The following SH3PXD2A variants were observed in gnomAD, a reference collection of about 807,000 sequenced individuals.
The protein encoded by SH3PXD2A is SH3 and PX domain-containing protein 2A.
Under a neutral mutation model 115.2 loss-of-function variants are expected in SH3PXD2A, and 32 were observed. The ratio of observed to expected loss-of-function variants is 0.28; its 90% confidence interval spans 0.21 to 0.37. SH3PXD2A has a LOEUF of 0.37. Among genes scored for constraint, SH3PXD2A ranks in the 10% least tolerant of loss-of-function variants. The pLI, the probability that SH3PXD2A is intolerant of heterozygous loss-of-function variation, is 1.00. For synonymous variants in SH3PXD2A, 610 were observed against 629.1 expected, an observed-to-expected ratio of 0.97 and a Z score of 0.45; for missense variants, 1,328 against 1,498.7, an observed-to-expected ratio of 0.89 and a Z score of 1.88.
At chr10:103,677,097 T>C (rs1393149127) in intron 6 of SH3PXD2A, among the ~76,000 whole-genome samples, 1 of 152,042 alleles carries the variant, frequency 6.6e-6, no homozygotes, top group Admixed American at 6.5e-5. Flanking sequence ...AGTGATGGAG[T>C]CAATAGCAAC....
intron 2 of SH3PXD2A, among the ~76,000 whole-genome samples, chr10:103,794,137 AG>A (rs768272901): frequency 2.0e-5 from 3 of 152,072 alleles, no homozygotes; most frequent in Non-Finnish European, 2.9e-5. Flanking sequence ...ACCCATCATG[AG>A]GTGGGCTGTT....
chr10:103,664,630 G>T (rs2037359340), intron 7 of SH3PXD2A, among the ~76,000 whole-genome samples: 1 of 151,792 alleles, frequency 6.6e-6, no homozygotes, highest in Non-Finnish European at 1.5e-5. Flanking sequence ...GGACACAGCG[G>T]CTGCTTAATA....
Position 103,735,798 on chromosome 10 carries a change from G to T in SH3PXD2A, c.240C>A (p.Leu80=), listed in dbSNP as rs981487458. ...RIIPFLPGKI[L]FRRSHIRDVA... is the part of the protein sequence containing the mutation. Reference sequence around the variant, plus strand: ...CGTCCCGGATGTGGCTTCTGCGGAAGAGGATCTTGCCTGGAAGAGAGATGC... The same window carrying T: ...CGTCCCGGATGTGGCTTCTGCGGAATAGGATCTTGCCTGGAAGAGAGATGC... Residue 80 remains leucine (L), a synonymous_variant, in exon 4 of 15, where the codon CTC becomes CTA. Coordinates refer to ENST00000369774, the MANE Select transcript of SH3PXD2A (RefSeq NM_001394015.1). 6.2e-7 allele frequency: 1 copy of T among 1,613,900 alleles called. No homozygotes were observed. Among genetic ancestry groups the T allele is most frequent in the Non-Finnish European group, 8.5e-7 (1 of 1,179,842 alleles).
chr10:103,601,966 C>T lies in SH3PXD2A; in HGVS notation c.3252G>A (p.Glu1084=). Residue 1084 remains glutamate, a synonymous_variant, in exon 15 of 15, where the codon GAG becomes GAA. Transcript: ENST00000369774. ...KDVYVSIADY[E]GDEETAGFQE... is the part of the protein sequence containing the mutation. ...GGAAGCCTGCTGTCTCCTCATCCCC[C>T]TCGTAGTCTGCGATAGAGACGTACA... 6.2e-7 allele frequency: 1 copy of T among 1,614,110 alleles called. No homozygotes were observed. The highest frequency in any genetic ancestry group is 1.1e-5 in the South Asian group (1 of 91,068).
intron 5 of SH3PXD2A, among the ~76,000 whole-genome samples, chr10:103,713,059 G>A (rs1288279071): frequency 6.6e-6 from 1 of 152,176 alleles, no homozygotes; most frequent in Non-Finnish European, 1.5e-5. Context: ...TCAGCCAGAC[G>A]CTGGGAGCTG....
At chr10:103,612,296 G>C (rs946645970) in intron 12 of SH3PXD2A, among the ~76,000 whole-genome samples, 1 of 152,038 alleles carries the variant, frequency 6.6e-6, no homozygotes, top group East Asian at 1.9e-4. Context: ...TGTGTAGAGT[G>C]GTAAAGCCTT....
chr10:103,685,337 C>CAAAAAA (rs775424414), intron 6 of SH3PXD2A, among the ~76,000 whole-genome samples: 1 of 56,386 alleles, frequency 1.8e-5, no homozygotes, highest in Non-Finnish European at 3.3e-5. Context: ...AACTCTGTCT[C>CAAAAAA]AAAAAAAAAA....
Position 103,603,718 on chromosome 10 carries a change from T to C in SH3PXD2A, c.1500A>G (p.Ser500=). 1 of 1,611,078 alleles carries C rather than the reference T, an allele frequency of 6.2e-7. No individual in the cohort carries two copies. The highest frequency in any genetic ancestry group is 8.5e-7 in the Non-Finnish European group (1 of 1,179,836). Residue 500 remains serine (S), a synonymous_variant, in exon 15 of 15, where the codon TCA becomes TCG. Coordinates refer to ENST00000369774, the MANE Select transcript of SH3PXD2A (RefSeq NM_001394015.1). ...TGGGCTTCTTGCGCTTATCGATGTA[T>C]GATGCGGGGGCCCAGCCCTCCTTCT... ...IGEKEGWAPA[S]YIDKRKKPNL...
intron 11 of SH3PXD2A, among the ~76,000 whole-genome samples, chr10:103,616,141 G>T (rs1260952875): frequency 1.3e-5 from 2 of 152,170 alleles, no homozygotes; most frequent in African/African-American, 4.8e-5. Context: ...GCATGGACTA[G>T]CCTTTAATGC....
At chr10:103,797,010 A>G (rs1207163724) in intron 2 of SH3PXD2A, among the ~76,000 whole-genome samples, 1 of 151,782 alleles carries the variant, frequency 6.6e-6, no homozygotes, top group East Asian at 1.9e-4. Flanking sequence ...CTACAGGCAC[A>G]TGCCACCACA....
intron 2 of SH3PXD2A, among the ~76,000 whole-genome samples, chr10:103,791,108 C>T (rs1434204565): frequency 1.3e-5 from 2 of 152,204 alleles, no homozygotes. Context: ...ATGAACAGTG[C>T]CAAGGACTGA....
intron 9 of SH3PXD2A, among the ~76,000 whole-genome samples, chr10:103,623,579 G>T (rs184177114): frequency 3.3e-5 from 5 of 152,292 alleles, no homozygotes; most frequent in African/African-American, 1.2e-4. Context: ...CCCTGGGAAA[G>T]CATTTGCTTT....
rs529750380 is a variant in SH3PXD2A, at chr10:103,692,004, G to A, written c.427+1024C>T. Among the ~76,000 whole-genome samples the A allele has an allele frequency of 2.6e-5, 4 of 152,236 alleles. No homozygotes were observed. The East Asian group carries it at 7.7e-4, about 29-fold the overall frequency. On this transcript the variant is annotated intron_variant, in intron 6 of 14. Coordinates refer to ENST00000369774, the MANE Select transcript of SH3PXD2A (RefSeq NM_001394015.1). ...GGGCACTCCCCTCAACCTATCCACAGGCCAAGGCACTTGGGCACAGGAGCC... is the reference window on the plus strand; with the variant it reads ...GGGCACTCCCCTCAACCTATCCACAAGCCAAGGCACTTGGGCACAGGAGCC...
At chr10:103,672,043 T>C (rs1285754583) in intron 6 of SH3PXD2A, among the ~76,000 whole-genome samples, 5 of 152,138 alleles carry the variant, frequency 3.3e-5, no homozygotes, top group African/African-American at 9.7e-5. Context: ...CCCAGCACTT[T>C]GGAGGCCGAG....
At position 103,743,540 on chromosome 10, in the gene SH3PXD2A, G is replaced by A. The variant is rs9943461; in HGVS notation, c.230-7732C>T. Among the ~76,000 whole-genome samples, 1,486 of 152,184 alleles carry A rather than the reference G, an allele frequency of 9.8e-3. 25 individuals are homozygous for A. Among genetic ancestry groups the A allele is most frequent in the African/African-American group, 0.034 (1,415 of 41,524 alleles). ...GAAGTAACAGGTGCACACAACACCC[G>A]ACTACATTTTTATAGTGATGGGGTC... is the stretch of plus-strand genomic sequence containing the variant. On this transcript the variant is annotated intron_variant, in intron 3 of 14. Transcript: ENST00000369774.
chr10:103,636,805 C>T (rs1198882537), intron 8 of SH3PXD2A, among the ~76,000 whole-genome samples: 4 of 152,178 alleles, frequency 2.6e-5, no homozygotes, highest in African/African-American at 9.7e-5. Context: ...CTCGTCCTCC[C>T]GCTCTGACTC....
intron 3 of SH3PXD2A, 134 bp downstream of exon 3, chr10:103,766,960 G>C (rs976440979): frequency 1.5e-6 from 1 of 651,708 alleles, no homozygotes; most frequent in South Asian, 1.7e-5. Context: ...AAATCCCCTG[G>C]GGGAATTGTT....
intron 6 of SH3PXD2A, among the ~76,000 whole-genome samples, chr10:103,685,046 A>C (rs539884197): frequency 2.7e-5 from 4 of 150,520 alleles, no homozygotes; most frequent in Admixed American, 6.6e-5. Flanking sequence ...AAAAACAAAA[A>C]CAAAAAAAAG....
intron 5 of SH3PXD2A, among the ~76,000 whole-genome samples, chr10:103,718,255 A>G (rs2038131305): frequency 6.6e-6 from 1 of 151,810 alleles, no homozygotes; most frequent in Non-Finnish European, 1.5e-5. Flanking sequence ...GGGCTCAAGC[A>G]ATCCTCCCGC....
Sources: gnomAD v4.1 joint callset for allele counts (sites outside exome capture counted in the v4.1 genomes callset) on GRCh38, gnomAD v4.1.1 for gene constraint, MANE v1.5 for transcripts, NCBI Gene and HGNC (gene_info 2026-07-23, HGNC 2026-07-21) for gene names.